The following APCDD1 variants were observed in gnomAD, a reference collection of about 807,000 sequenced individuals.
APCDD1 encodes the protein APC down-regulated 1.
In APCDD1, 15 loss-of-function variants were observed where a neutral mutation model predicts 38.1. The ratio of observed to expected loss-of-function variants is 0.39; its 90% CI spans 0.26 to 0.61. APCDD1 has a LOEUF of 0.61. Among genes scored for constraint, APCDD1 ranks in the 20% least tolerant of loss-of-function variants. The pLI is 0.49. For missense variants in APCDD1, 647 were observed against 696.2 expected, an observed-to-expected ratio of 0.93 and a Z score of 0.79; for synonymous variants, 261 against 279.7, an observed-to-expected ratio of 0.93 and a Z score of 0.67.
At chr18:10,456,667 A>G (rs1352807039) in intron 1 of APCDD1, among the ~76,000 whole-genome samples, 1 of 152,200 alleles carries the variant, frequency 6.6e-6, no homozygotes, top group African/African-American at 2.4e-5. Flanking sequence ...TTTGAGAGGT[A>G]GGGGTTGTAA....
rs1259624361 is a variant in APCDD1 at position 10,470,173 on chromosome 18, G to A, written c.243-1357G>A. 1.3e-5 allele frequency among the ~76,000 whole-genome samples: 2 copies of A among 152,164 alleles called. No individual in the cohort carries two copies. Among genetic ancestry groups the A allele is most frequent in the Non-Finnish European group, 2.9e-5 (2 of 68,036 alleles). On this transcript the variant is annotated intron_variant, in intron 2 of 4. Coordinates refer to ENST00000355285, the MANE Select transcript of APCDD1 (RefSeq NM_153000.5). This position sits in a 1 kb window ranked among gnomAD's most constrained non-coding sequence, Gnocchi z 4.1. ...CTGCAGGAGCAACTGAGAAGTGAGTGGGCCTGAGATCCACTGTACGTGGCA... is the reference window on the plus strand; with the variant it reads ...CTGCAGGAGCAACTGAGAAGTGAGTAGGCCTGAGATCCACTGTACGTGGCA...
At chr18:10,482,598 G>T (rs953928558) in intron 3 of APCDD1, among the ~76,000 whole-genome samples, 12 of 152,192 alleles carry the variant, frequency 7.9e-5, no homozygotes, top group Non-Finnish European at 1.3e-4. Context: ...GCTTGTGTCT[G>T]ATAACAGGCA....
chr18:10,487,784 G>A lies in APCDD1; in HGVS notation c.1291G>A (p.Ala431Thr), dbSNP rs766126994. 2.5e-6 allele frequency: 4 copies of A among 1,614,044 alleles called. No homozygotes were observed. In the African/African-American group the frequency reaches 4.0e-5, roughly 16 times the overall value. The change falls in exon 5 of 5, where the codon GCC (alanine) becomes ACC (threonine). Residue 431 changes from alanine to threonine, a missense_variant. Physicochemically the swap from Ala to Thr is moderately conservative, Grantham distance 58 (BLOSUM62 0). Coordinates refer to ENST00000355285, the MANE Select transcript of APCDD1 (RefSeq NM_153000.5). ...EYEIFKMEQD[A>T]RGRYLLFNGQ... Reference sequence around the variant, plus strand: ...CGAGATCTTCAAAATGGAACAGGATGCCCGGGGGCGCTATCTGCTGTTCAA... The same window carrying A: ...CGAGATCTTCAAAATGGAACAGGATACCCGGGGGCGCTATCTGCTGTTCAA...
chr18:10,483,464 G>A (rs576608484), intron 3 of APCDD1, among the ~76,000 whole-genome samples: 3 of 152,282 alleles, frequency 2.0e-5, no homozygotes, highest in South Asian at 2.1e-4. Flanking sequence ...ACATTATCTC[G>A]CCTGAAGTGC....
rs2030843887 is a variant in APCDD1 at position 10,471,276 on chromosome 18, A to G, written c.243-254A>G. On this transcript the variant is annotated intron_variant, in intron 2 of 4. Coordinates refer to ENST00000355285, the MANE Select transcript of APCDD1 (RefSeq NM_153000.5). This position sits in a 1 kb window ranked among gnomAD's most constrained non-coding sequence, Gnocchi z 5.5. ...CCTGGATTCATGGACTGGCTCTGAT[A>G]CTTGCTGGTCATGTGCTCTTGGGCA... 6.6e-6 allele frequency among the ~76,000 whole-genome samples: 1 copy of G among 152,182 alleles called. No individual in the cohort carries two copies. Among genetic ancestry groups the G allele is most frequent in the South Asian group, 2.1e-4 (1 of 4,832 alleles).
At position 10,470,715 on chromosome 18, in the gene APCDD1, C is replaced by T. The variant is rs1040545978; in HGVS notation, c.243-815C>T. 6.6e-6 allele frequency among the ~76,000 whole-genome samples: 1 copy of T among 152,202 alleles called. No individual in the cohort carries two copies. The highest frequency in any genetic ancestry group is 2.4e-5 in the African/African-American group (1 of 41,436). On this transcript the variant is annotated intron_variant, in intron 2 of 4. Coordinates refer to ENST00000355285, the MANE Select transcript of APCDD1 (RefSeq NM_153000.5). This position sits in a 1 kb window ranked among gnomAD's most constrained non-coding sequence, Gnocchi z 4.1. ...CCAGGGCTTTAAGTACCTCCCCGTA[C>T]CCCCATTGCAGCCTCAGCTAGTATA... is the stretch of plus-strand genomic sequence containing the variant.
rs961145413 is a variant in APCDD1 at position 10,476,644 on chromosome 18, G to A, written c.774+4583G>A. ...TCAGACTCGTAAGCAAATGGAATTG[G>A]TCTTTCTCCAAAATCCTGCACTGAT... On this transcript the variant is annotated intron_variant, in intron 3 of 4. Transcript: ENST00000355285. The surrounding 1 kb of genome is among the most constrained non-coding windows in gnomAD (Gnocchi z 5.8). 2.6e-5 allele frequency: 4 copies of A among 152,162 alleles called. No homozygotes were observed. Among genetic ancestry groups the A allele is most frequent in the Admixed American group, 2.6e-4 (4 of 15,284 alleles). 9.4% of individuals were successfully genotyped at this position (152,162 alleles called of 1,614,324 possible).
At chr18:10,473,047 C>A (rs922907739) in intron 3 of APCDD1, among the ~76,000 whole-genome samples, 1 of 152,198 alleles carries the variant, frequency 6.6e-6, no homozygotes. Context: ...GGAACACTCT[C>A]TAGCACGGTG....
chr18:10,478,698 G>A (rs886462524), intron 3 of APCDD1, among the ~76,000 whole-genome samples: 5 of 152,176 alleles, frequency 3.3e-5, no homozygotes, highest in Non-Finnish European at 7.3e-5. Flanking sequence ...TCGTGGTAAG[G>A]ATTTTAACAT....
chr18:10,486,641 T>C (rs926065661), intron 4 of APCDD1, among the ~76,000 whole-genome samples: 2 of 152,182 alleles, frequency 1.3e-5, no homozygotes, highest in Non-Finnish European at 2.9e-5. Context: ...AGGAAGGAGC[T>C]GCACCAGGCT....
Position 10,467,514 on chromosome 18 carries a change from G to T in APCDD1, c.59-955G>T, listed in dbSNP as rs2030744506. On this transcript the variant is annotated intron_variant, in intron 1 of 4. Coordinates refer to ENST00000355285, the MANE Select transcript of APCDD1 (RefSeq NM_153000.5). This position sits in a 1 kb window ranked among gnomAD's most constrained non-coding sequence, Gnocchi z 4.8. The stretch of plus-strand genomic sequence containing the variant: ...TGGCTTTCAGATAATAATTCCACCA[G>T]TTTTAATTGCTTTATTCTGAACATT... 6.6e-6 allele frequency among the ~76,000 whole-genome samples: 1 copy of T among 152,192 alleles called. No homozygotes were observed.
At position 10,471,971 on chromosome 18, in the gene APCDD1, G is replaced by A. The variant is rs2030869997; in HGVS notation, c.684G>A (p.Glu228=). Residue 228 remains glutamate, a synonymous_variant, in exon 3 of 5, where the codon GAG becomes GAA. Transcript: ENST00000355285. This position sits in a 1 kb window ranked among gnomAD's most constrained non-coding sequence, Gnocchi z 5.5. ...ACCACAACCTCGACCACCTGGTCGA[G>A]GAGCTCTTCCTTGGTGACATTCACA... ...YLHHNLDHLV[E]ELFLGDIHTD... is the part of the protein sequence containing the mutation. The A allele has an allele frequency of 1.2e-6, 2 of 1,614,072 alleles. No individual in the cohort carries two copies. Among genetic ancestry groups the A allele is most frequent in the South Asian group, 1.1e-5 (1 of 91,084 alleles).
In APCDD1 at chr18:10,472,776, A is replaced by T. The variant is rs949841449; in HGVS notation, c.774+715A>T. On this transcript the variant is annotated intron_variant, in intron 3 of 4. Transcript: ENST00000355285. This position sits in a 1 kb window ranked among gnomAD's most constrained non-coding sequence, Gnocchi z 6.6. ...GGAGAGCAGGAAACAATTAAACCTTATAATGTCTTTTCCTTGAATGATATT... is the reference window on the plus strand; with the variant it reads ...GGAGAGCAGGAAACAATTAAACCTTTTAATGTCTTTTCCTTGAATGATATT... 1.3e-5 allele frequency among the ~76,000 whole-genome samples: 2 copies of T among 152,260 alleles called. No homozygotes were observed. The highest frequency in any genetic ancestry group is 4.8e-5 in the African/African-American group (2 of 41,476).
At position 10,454,770 on chromosome 18, in the gene APCDD1, C is replaced by T; in HGVS notation, c.-212C>T. The T allele has an allele frequency of 1.0e-5, 10 of 980,252 alleles. No individual in the cohort carries two copies. Among genetic ancestry groups the T allele is most frequent in the Non-Finnish European group, 1.2e-5 (10 of 828,016 alleles). 60.7% of individuals were successfully genotyped at this position (980,252 alleles called of 1,614,324 possible). On this transcript the variant is annotated 5_prime_UTR_variant, in exon 1 of 5. Transcript: ENST00000355285. ...CAGAGAGGCCGGGACGCGGACCGGG[C>T]CGGGGCGCCCACAGCCGCCCGACGG...
At chr18:10,468,737 T>C in intron 2 of APCDD1, 85 bp downstream of exon 2, 1 of 1,359,592 alleles carries the variant, frequency 7.4e-7, no homozygotes, top group Non-Finnish European at 1.0e-6. Context: ...ATGCAGAGAC[T>C]TTATATCATT....
At chr18:10,468,369 C>T in intron 1 of APCDD1, 100 bp from the exon 2 acceptor site, 1 of 1,264,642 alleles carries the variant, frequency 7.9e-7, no homozygotes, top group Non-Finnish European at 1.2e-6. Context: ...ACAATCATTT[C>T]CCACCTTCAG....
At chr18:10,465,147 TC>T (rs1202104217) in intron 1 of APCDD1, among the ~76,000 whole-genome samples, 1 of 152,186 alleles carries the variant, frequency 6.6e-6, no homozygotes, top group Non-Finnish European at 1.5e-5. Flanking sequence ...AAGATACCCA[TC>T]TTTTTCGTAC....
At chr18:10,486,310 T>C (rs904558560) in intron 4 of APCDD1, among the ~76,000 whole-genome samples, 1 of 152,104 alleles carries the variant, frequency 6.6e-6, no homozygotes, top group Non-Finnish European at 1.5e-5. Flanking sequence ...GATATGATCA[T>C]GCCACTGTAC....
chr18:10,480,396 T>C (rs2031106380), intron 3 of APCDD1, among the ~76,000 whole-genome samples: 1 of 152,252 alleles, frequency 6.6e-6, no homozygotes, highest in African/African-American at 2.4e-5. Flanking sequence ...TCTGCTTCTC[T>C]GTAGTTGTGC....
Sources: gnomAD v4.1 joint callset for allele counts (sites outside exome capture counted in the v4.1 genomes callset) on GRCh38, gnomAD v4.1.1 for gene constraint, Gnocchi (gnomAD v3.1) non-coding constraint, MANE v1.5 for transcripts, NCBI Gene and HGNC (gene_info 2026-07-23, HGNC 2026-07-21) for gene names.